QKI: variants seen among roughly 807,000 people sequenced by gnomAD.
QKI encodes QKI, KH domain containing RNA binding, also known as KH domain-containing RNA-binding protein QKI.
QKI carries 10 observed loss-of-function variants against 39.0 expected under a neutral mutation model. The observed-to-expected ratio is 0.26, with a 90% CI of 0.16 to 0.43. QKI has a LOEUF of 0.43. Among genes scored for constraint, QKI ranks in the 20% least tolerant of loss-of-function variants. QKI has a pLI of 1.00. For synonymous variants in QKI, 204 were observed against 155.4 expected, an observed-to-expected ratio of 1.31 and a Z score of -2.33; for missense variants, 218 against 428.0, an observed-to-expected ratio of 0.51 and a Z score of 4.33.
intron 4 of QKI, among the ~76,000 whole-genome samples, chr6:163,545,589 G>A (rs1781814188): frequency 6.6e-6 from 1 of 152,030 alleles, no homozygotes. Context: ...AGTTTGATCA[G>A]GCTCCTTGGT....
intron 1 of QKI, among the ~76,000 whole-genome samples, chr6:163,439,339 T>G (rs1789560015): frequency 2.5e-5 from 3 of 119,048 alleles, no homozygotes; most frequent in South Asian, 5.3e-4. Context: ...GGTTTTTTTT[T>G]GTTTTTTTTT....
At chr6:163,480,937 T>G (rs1359848628) in intron 3 of QKI, among the ~76,000 whole-genome samples, 1 of 152,216 alleles carries the variant, frequency 6.6e-6, no homozygotes, top group Non-Finnish European at 1.5e-5. Flanking sequence ...TTCTGTGAAT[T>G]CTGCAGTAAT....
Position 163,536,261 on chromosome 6 carries a change from G to A in QKI, c.546+1136G>A, listed in dbSNP as rs554326628. Among the ~76,000 whole-genome samples, 5 of 152,018 alleles carry A rather than the reference G, an allele frequency of 3.3e-5. No individual in the cohort carries two copies. The South Asian group carries it at 1.0e-3, about 32-fold the overall frequency. On this transcript the variant is annotated intron_variant, in intron 4 of 7. Transcript: ENST00000361752. ...CTTTCTCATTTTCCTTAATTGTGTG[G>A]TATTGAAAAACTGTATAGAAAAGGA...
At chr6:163,533,871 G>A (rs1781030578) in intron 3 of QKI, among the ~76,000 whole-genome samples, 1 of 152,082 alleles carries the variant, frequency 6.6e-6, no homozygotes, top group Non-Finnish European at 1.5e-5. Context: ...AGCATTTACT[G>A]TTAAAATTTA....
chr6:163,504,091 G>C (rs931163359), intron 3 of QKI, among the ~76,000 whole-genome samples: 1 of 152,028 alleles, frequency 6.6e-6, no homozygotes, highest in Non-Finnish European at 1.5e-5. Context: ...TTATTCTTCT[G>C]TGTGTGGCTA....
intron 4 of QKI, among the ~76,000 whole-genome samples, chr6:163,551,055 C>G (rs1702160892): frequency 6.6e-6 from 1 of 151,978 alleles, no homozygotes; most frequent in South Asian, 2.1e-4. Context: ...ATTCCTGATT[C>G]CATTTCTTAT....
rs190240941 is a variant in QKI at position 163,461,117 on chromosome 6, G to A, written c.285+5696G>A. Among the ~76,000 whole-genome samples the A allele has an allele frequency of 2.0e-5, 3 of 152,190 alleles. No individual in the cohort carries two copies. In the East Asian group the frequency reaches 5.8e-4, roughly 29 times the overall value. On this transcript the variant is annotated intron_variant, in intron 2 of 7. Transcript: ENST00000361752. ...CTTAATGTATAAGTTCAACTAGATC[G>A]GTTTAGTAAAAGCCAATTTATGACT...
chr6:163,479,018 G>T, intron 3 of QKI, 122 bp downstream of exon 3: 1 of 751,806 alleles, frequency 1.3e-6, no homozygotes, highest in South Asian at 2.1e-5. Context: ...GGGCGCGGTG[G>T]CTCACGCCTG....
chr6:163,505,392 G>T (rs1203598614), intron 3 of QKI, among the ~76,000 whole-genome samples: 1 of 152,208 alleles, frequency 6.6e-6, no homozygotes, highest in Non-Finnish European at 1.5e-5. Flanking sequence ...TGCACTATGT[G>T]CCTAGAAAAG....
chr6:163,477,504 G>C (rs896062460), intron 2 of QKI, among the ~76,000 whole-genome samples: 1 of 152,170 alleles, frequency 6.6e-6, no homozygotes, highest in South Asian at 2.1e-4. Context: ...CATGGTGGGG[G>C]TTTAGGTTGG....
intron 4 of QKI, among the ~76,000 whole-genome samples, chr6:163,541,462 TAGTTGAA>T (rs1370718830): frequency 6.6e-6 from 1 of 151,192 alleles, no homozygotes; most frequent in African/African-American, 2.4e-5. Context: ...TAGATGAAGA[TAGTTGAA>T]AGCACTCAGA....
intron 4 of QKI, among the ~76,000 whole-genome samples, chr6:163,551,814 G>A (rs1002648770): frequency 2.0e-5 from 3 of 152,194 alleles, no homozygotes; most frequent in African/African-American, 7.2e-5. Flanking sequence ...AGTCTTGTAA[G>A]AGCAGTTGGA....
Position 163,573,513 on chromosome 6 carries a change from GTATGT to G in QKI, c.*2807_*2811del, listed in dbSNP as rs1314801640. 6.6e-6 allele frequency: 1 copy of G among 152,046 alleles called. No individual in the cohort carries two copies. Among genetic ancestry groups the G allele is most frequent in the Non-Finnish European group, 1.5e-5 (1 of 67,996 alleles). The allele number at this position is 152,046 out of a possible 1,614,324, so 9.4% of individuals were successfully genotyped here. On this transcript the variant is annotated 3_prime_UTR_variant, in exon 8 of 8. Transcript: ENST00000361752. ...TGTATTTTTCTATCTTGTTTTATATGTATGTTATATAACATTCAAAAAGAATTTTT... is the reference window on the plus strand; with the variant it reads ...TGTATTTTTCTATCTTGTTTTATATGTATATAACATTCAAAAAGAATTTTT...
chr6:163,504,628 C>T (rs1455322807), intron 3 of QKI, among the ~76,000 whole-genome samples: 3 of 152,038 alleles, frequency 2.0e-5, no homozygotes, highest in South Asian at 4.1e-4. Flanking sequence ...GTTTGGCTGT[C>T]GTAAATGGGA....
chr6:163,511,174 T>C (rs1779448571), intron 3 of QKI, among the ~76,000 whole-genome samples: 1 of 152,050 alleles, frequency 6.6e-6, no homozygotes, highest in South Asian at 2.1e-4. Context: ...AATCAGAAAA[T>C]ATTTTGGACC....
At chr6:163,417,814 G>A (rs1303341528) in intron 1 of QKI, among the ~76,000 whole-genome samples, 1 of 152,116 alleles carries the variant, frequency 6.6e-6, no homozygotes, top group East Asian at 1.9e-4. Flanking sequence ...GTTTAAAATG[G>A]GCAATATAAT....
intron 4 of QKI, among the ~76,000 whole-genome samples, chr6:163,548,302 A>G (rs930726836): frequency 1.3e-5 from 2 of 150,164 alleles, no homozygotes; most frequent in Non-Finnish European, 3.0e-5. Flanking sequence ...TTGTTGAATT[A>G]ATGATTGAAT....
At chr6:163,503,325 C>T (rs1778896593) in intron 3 of QKI, among the ~76,000 whole-genome samples, 1 of 151,974 alleles carries the variant, frequency 6.6e-6, no homozygotes, top group Admixed American at 6.6e-5. Flanking sequence ...TAATTTCATT[C>T]TTCTGCATGT....
intron 3 of QKI, among the ~76,000 whole-genome samples, chr6:163,534,744 C>T (rs983794367): frequency 5.3e-5 from 8 of 152,180 alleles, no homozygotes; most frequent in Admixed American, 5.2e-4. Context: ...GCATCTGGTT[C>T]TGTGCCTGGT....
Sources: allele counts gnomAD v4.1 joint callset (sites outside exome capture counted in the v4.1 genomes callset), GRCh38; gene constraint gnomAD v4.1.1; transcripts MANE v1.5; gene names NCBI Gene and HGNC (gene_info 2026-07-23, HGNC 2026-07-21).